Variants in PGCKA1 observed in about 807,000 individuals in gnomAD.
PGCKA1 encodes the protein PDCD10 and GCKIII kinases associated 1.
At chr4:37,499,977 C>T in the PGCKA1 span, among the ~76,000 whole-genome samples, 1 of 131,250 alleles carries the variant, frequency 7.6e-6, no homozygotes, top group Non-Finnish European at 1.5e-5. Context: ...GACTTGAGTC[C>T]AGTGGCACGA....
chr4:37,509,771 G>A, the PGCKA1 span, among the ~76,000 whole-genome samples: 1,645 of 151,746 alleles, frequency 0.011, 42 homozygotes, highest in African/African-American at 0.038. Context: ...GACCAGCCCG[G>A]CCAACACAGC....
At chr4:37,471,107 G>A in the PGCKA1 span, among the ~76,000 whole-genome samples, 2 of 152,070 alleles carry the variant, frequency 1.3e-5, no homozygotes, top group South Asian at 4.1e-4. Context: ...ACTAAATTTC[G>A]CAGTTTATTT....
At chr4:37,494,732 A>G in the PGCKA1 span, among the ~76,000 whole-genome samples, 54 of 152,132 alleles carry the variant, frequency 3.5e-4, no homozygotes, top group East Asian at 8.5e-3. Flanking sequence ...ACTAATTTAC[A>G]CTCCTATCAA....
chr4:37,591,400 A>G, the PGCKA1 span: 109 of 158,378 alleles, frequency 6.9e-4, 1 homozygote, highest in South Asian at 0.017. Context: ...TTTGACTGTA[A>G]ACTGTTTACC....
At chr4:37,592,414 G>T in the PGCKA1 span, among the ~76,000 whole-genome samples, 1 of 150,928 alleles carries the variant, frequency 6.6e-6, no homozygotes, top group South Asian at 2.1e-4. Flanking sequence ...GGACCGAGCT[G>T]GTTTGCAGAG....
At chr4:37,475,725 T>C in the PGCKA1 span, among the ~76,000 whole-genome samples, 1 of 152,060 alleles carries the variant, frequency 6.6e-6, no homozygotes, top group Non-Finnish European at 1.5e-5. Flanking sequence ...TAGATAAAGA[T>C]GTAAGAATTA....
the PGCKA1 span, among the ~76,000 whole-genome samples, chr4:37,481,354 A>G: frequency 0.21 from 32,067 of 151,012 alleles, 3,550 homozygotes; most frequent in East Asian, 0.3. Context: ...AGTCCCAGCT[A>G]CTTGGGAGGC....
At chr4:37,495,084 C>T in the PGCKA1 span, among the ~76,000 whole-genome samples, 4 of 151,718 alleles carry the variant, frequency 2.6e-5, no homozygotes, top group Non-Finnish European at 5.9e-5. Flanking sequence ...TGAACAGACA[C>T]TTCTCAAAAG....
At chr4:37,475,004 T>C in the PGCKA1 span, among the ~76,000 whole-genome samples, 1 of 152,206 alleles carries the variant, frequency 6.6e-6, no homozygotes, top group Non-Finnish European at 1.5e-5. Flanking sequence ...ATACCAGGGC[T>C]TGATCATTTC....
At chr4:37,588,633 T>C in the PGCKA1 span, 1 of 516,192 alleles carries the variant, frequency 1.9e-6, no homozygotes, top group Non-Finnish European at 3.5e-6. Flanking sequence ...CAGAGGCAAG[T>C]GTCAGTGAAC....
At chr4:37,484,258 C>G in the PGCKA1 span, among the ~76,000 whole-genome samples, 1 of 152,096 alleles carries the variant, frequency 6.6e-6, no homozygotes, top group Non-Finnish European at 1.5e-5. Context: ...TGTGGTTCCA[C>G]AATCACGACA....
At chr4:37,478,632 C>G in the PGCKA1 span, among the ~76,000 whole-genome samples, 1 of 152,136 alleles carries the variant, frequency 6.6e-6, no homozygotes, top group Non-Finnish European at 1.5e-5. Context: ...TTACAATGTG[C>G]CTTTTAAAAT....
At chr4:37,575,191 G>A in the PGCKA1 span, among the ~76,000 whole-genome samples, 1 of 152,006 alleles carries the variant, frequency 6.6e-6, no homozygotes, top group Admixed American at 6.5e-5. Context: ...CTCCATAGTG[G>A]TTGTACTAAT....
At chr4:37,498,965 AT>A in the PGCKA1 span, among the ~76,000 whole-genome samples, 1 of 152,212 alleles carries the variant, frequency 6.6e-6, no homozygotes, top group South Asian at 2.1e-4. Context: ...TGGATTTGTA[AT>A]AGATGGCTCT....
the PGCKA1 span, among the ~76,000 whole-genome samples, chr4:37,521,927 T>C: frequency 0.011 from 1,718 of 152,322 alleles, 33 homozygotes; most frequent in African/African-American, 0.038. Flanking sequence ...GACCCCTTTA[T>C]CTTTATGTAG....
At chr4:37,501,691 G>A in the PGCKA1 span, among the ~76,000 whole-genome samples, 1 of 152,088 alleles carries the variant, frequency 6.6e-6, no homozygotes, top group Non-Finnish European at 1.5e-5. Flanking sequence ...GTCTGAAAAA[G>A]GTTTCAATGT....
the PGCKA1 span, among the ~76,000 whole-genome samples, chr4:37,496,218 C>T: frequency 2.0e-5 from 3 of 152,146 alleles, no homozygotes; most frequent in Admixed American, 2.0e-4. Flanking sequence ...AATGGTATTG[C>T]CTAGGTTGTC....
At chr4:37,468,659 ATTTAT>A in the PGCKA1 span, among the ~76,000 whole-genome samples, 4 of 151,990 alleles carry the variant, frequency 2.6e-5, no homozygotes, top group Non-Finnish European at 5.9e-5. Flanking sequence ...TGTTTTATTA[ATTTAT>A]TTCAACTGAA....
At chr4:37,578,769 A>C in the PGCKA1 span, among the ~76,000 whole-genome samples, 1 of 151,588 alleles carries the variant, frequency 6.6e-6, no homozygotes. Flanking sequence ...CTATCCTAAA[A>C]CCCATTATTC....
Sources: gnomAD v4.1 joint callset for allele counts (sites outside exome capture counted in the v4.1 genomes callset) on GRCh38, gnomAD v4.1.1 for gene constraint, MANE v1.5 for transcripts, NCBI Gene and HGNC (gene_info 2026-07-23, HGNC 2026-07-21) for gene names.